The following UTRN variants were observed in gnomAD, a reference collection of about 807,000 sequenced individuals.
The protein encoded by UTRN is utrophin.
Under a neutral mutation model 463.9 loss-of-function variants are expected in UTRN, and 283 were observed. The observed-to-expected ratio is 0.61, with a 90% CI of 0.55 to 0.67. The LOEUF (loss-of-function observed/expected upper bound fraction) is 0.67, where lower values mean the gene tolerates loss of function less well. Among genes scored for constraint, UTRN ranks in the 30% least tolerant of loss-of-function variants. The pLI, the probability that UTRN is intolerant of heterozygous loss-of-function variation, is 0.00. For synonymous variants in UTRN, 1,442 were observed against 1,431.5 expected, an observed-to-expected ratio of 1.01 and a Z score of -0.17; for missense variants, 3,922 against 4,084.3, an observed-to-expected ratio of 0.96 and a Z score of 1.08.
chr6:144,828,666 G>C, intron 68 of UTRN, 124 bp from the exon 69 acceptor site: 1 of 931,808 alleles, frequency 1.1e-6, no homozygotes, highest in Non-Finnish European at 1.7e-6. Flanking sequence ...AGTCGTGTTA[G>C]GAGATTTGGA....
At chr6:144,774,702 G>A (rs1370675637) in intron 60 of UTRN, among the ~76,000 whole-genome samples, 1 of 152,124 alleles carries the variant, frequency 6.6e-6, no homozygotes, top group Admixed American at 6.5e-5. Context: ...TTGCCCATTT[G>A]GCAATGTAGA....
At chr6:144,427,762 ATTAATTAATTGATTCAACAAATACG>A (rs1785422005) in intron 7 of UTRN, among the ~76,000 whole-genome samples, 1 of 152,230 alleles carries the variant, frequency 6.6e-6, no homozygotes, top group Admixed American at 6.5e-5. Flanking sequence ...CATTCCATTT[ATTAATTAATTGATTCAACAAATACG>A]TGTGGGGTGC....
At chr6:144,850,783 A>ACTT (rs1179240193) in intron 74 of UTRN, among the ~76,000 whole-genome samples, 5 of 152,216 alleles carry the variant, frequency 3.3e-5, no homozygotes, top group Non-Finnish European at 5.9e-5. Context: ...AGACTTTCAG[A>ACTT]CTTCCCTCTA....
In UTRN at chr6:144,444,367, A is replaced by T; in HGVS notation, c.1599A>T (p.Glu533Asp). 1 of 1,608,942 alleles carries T rather than the reference A, an allele frequency of 6.2e-7. No individual in the cohort carries two copies. Among genetic ancestry groups the T allele is most frequent in the Non-Finnish European group, 8.5e-7 (1 of 1,176,988 alleles). Residue 533 changes from glutamate (E) to aspartate (D), a missense_variant, in exon 14 of 75, where the codon GAA (glutamate) becomes GAT (aspartate). Physicochemically the swap from Glu to Asp is conservative, Grantham distance 45. Around this residue, in one of 3 missense-constraint regions of UTRN, gnomAD observed 2,349 missense variants for 2,303.8 expected, o/e 1.02. Transcript: ENST00000367545. ...AAGAAATCAATATATTGTGGCAGGA[A>T]TTATTGGAAGAACAGGTATGAAACT... ...RLQEINILWQ[E>D]LLEEQCLLKA...
At chr6:144,307,645 C>G (rs1805862558) in intron 2 of UTRN, among the ~76,000 whole-genome samples, 1 of 152,092 alleles carries the variant, frequency 6.6e-6, no homozygotes, top group Non-Finnish European at 1.5e-5. Context: ...AAACAAAAGA[C>G]CTGATTGCTA....
At chr6:144,493,147 C>T (rs1414468513) in intron 32 of UTRN, among the ~76,000 whole-genome samples, 154 bp from the exon 33 acceptor site, 1 of 152,202 alleles carries the variant, frequency 6.6e-6, no homozygotes, top group African/African-American at 2.4e-5. Context: ...TCATTTGACT[C>T]GACCTTCAGA....
intron 3 of UTRN, among the ~76,000 whole-genome samples, chr6:144,413,779 A>G (rs1449763090): frequency 6.6e-6 from 1 of 152,128 alleles, no homozygotes; most frequent in Non-Finnish European, 1.5e-5. Flanking sequence ...TGGCTTATGT[A>G]TTTATTATAA....
chr6:144,691,009 T>A (rs1450033622), intron 52 of UTRN, among the ~76,000 whole-genome samples: 1 of 152,202 alleles, frequency 6.6e-6, no homozygotes. Context: ...TACACACTAT[T>A]TCGTCTTTCC....
At position 144,840,831 on chromosome 6, in the gene UTRN, C is replaced by T. The variant is rs931017584; in HGVS notation, c.10269C>T (p.Cys3423=). The T allele has an allele frequency of 2.5e-6, 4 of 1,613,780 alleles. No individual in the cohort carries two copies. Among genetic ancestry groups the T allele is most frequent in the Admixed American group, 1.7e-5 (1 of 60,008 alleles). The stretch of plus-strand genomic sequence containing the variant: ...TTCACAGCACGTTTCCATCTTGCTG[C>T]CGTGAGTATGAAAGATTGCAGCACC... ...EQIHSTFPSC[C]PNVPSRPQAM is the part of the protein sequence containing the mutation. Residue 3423 remains cysteine (C), a splice_region_variant and synonymous_variant, in exon 73 of 75, where the codon TGC becomes TGT. Transcript: ENST00000367545.
chr6:144,629,500 G>A (rs1282315519), intron 51 of UTRN, among the ~76,000 whole-genome samples: 3 of 152,236 alleles, frequency 2.0e-5, no homozygotes, highest in Non-Finnish European at 4.4e-5. Flanking sequence ...CTTAGAAGCT[G>A]TCTGTGCCTC....
chr6:144,808,066 C>T (rs2128748989), intron 65 of UTRN, among the ~76,000 whole-genome samples: 1 of 152,286 alleles, frequency 6.6e-6, no homozygotes, highest in Admixed American at 6.5e-5. Context: ...CACACACACA[C>T]ACGCAGTTAG....
intron 2 of UTRN, among the ~76,000 whole-genome samples, chr6:144,325,699 G>T (rs900383552): frequency 9.2e-5 from 14 of 152,114 alleles, no homozygotes; most frequent in African/African-American, 3.1e-4. Context: ...GCATTGTTGA[G>T]CCTCATTTTG....
At position 144,444,334 on chromosome 6, in the gene UTRN, T is replaced by C. The variant is rs141209224; in HGVS notation, c.1566T>C (p.Asn522=). ...GCCGTTGGACTGAAGAACGCTGGAA[T>C]AGGTTACAAGAAATCAATATATTGT... is the stretch of plus-strand genomic sequence containing the variant. The part of the protein sequence containing the change: ...AVCRWTEERW[N]RLQEINILWQ... The change falls in exon 14 of 75, where the codon AAT becomes AAC. Residue 522 remains asparagine (N), a synonymous_variant. Transcript: ENST00000367545. The C allele has an allele frequency of 2.5e-6, 4 of 1,611,472 alleles. No individual in the cohort carries two copies. Among genetic ancestry groups the C allele is most frequent in the Non-Finnish European group, 3.4e-6 (4 of 1,178,500 alleles).
chr6:144,437,466 C>A, intron 10 of UTRN, 99 bp from the exon 11 acceptor site: 2 of 1,212,914 alleles, frequency 1.6e-6, no homozygotes, highest in Non-Finnish European at 2.2e-6. Flanking sequence ...CCTTTTTCTG[C>A]ATCACTGACA....
intron 2 of UTRN, among the ~76,000 whole-genome samples, chr6:144,320,000 C>T (rs755244380): frequency 3.3e-5 from 5 of 152,134 alleles, no homozygotes; most frequent in East Asian, 1.9e-4. Context: ...ATTACAGGCA[C>T]GTGCCACCAC....
In UTRN at chr6:144,782,041, C is replaced by T. The variant is rs748989768; in HGVS notation, c.8752C>T (p.Leu2918Phe). ...CTGTCTGACAACAACTTATGATGGA[C>T]TTGAGCAAATGCATAAGGACCTGGT... ...INCLTTTYDGLEQMHKDLVNV... is the reference protein window; with the variant it reads ...INCLTTTYDGFEQMHKDLVNV... Residue 2918 changes from leucine to phenylalanine, a missense_variant, in exon 61 of 75, where the codon CTT (leucine) becomes TTT (phenylalanine). By Grantham distance (22) the Leu-to-Phe change is conservative. This residue lies in a region of UTRN where 1,309 missense variants were observed against 1,452.6 expected (regional missense o/e 0.90). Transcript: ENST00000367545. 6.2e-7 allele frequency: 1 copy of T among 1,614,032 alleles called. No homozygotes were observed.
At chr6:144,564,484 G>A (rs1001664739) in intron 50 of UTRN, among the ~76,000 whole-genome samples, 1 of 152,126 alleles carries the variant, frequency 6.6e-6, no homozygotes, top group African/African-American at 2.4e-5. Context: ...GTAAGACATG[G>A]GGTATTAGTC....
At chr6:144,821,071 T>G (rs1779557722) in intron 66 of UTRN, 53 bp downstream of exon 66, 1 of 1,573,872 alleles carries the variant, frequency 6.4e-7, no homozygotes, top group Admixed American at 1.9e-5. Context: ...TCTGATGTTG[T>G]CTTTTTTATG....
intron 50 of UTRN, among the ~76,000 whole-genome samples, chr6:144,558,480 T>G (rs1400879819): frequency 6.6e-6 from 1 of 152,086 alleles, no homozygotes; most frequent in African/African-American, 2.4e-5. Context: ...AGAAGGTGAA[T>G]TAAAAACAGC....
Sources: gnomAD v4.1 joint callset for allele counts (sites outside exome capture counted in the v4.1 genomes callset) on GRCh38, gnomAD v4.1.1 for gene constraint, gnomAD v4.1.1 regional missense constraint, MANE v1.5 for transcripts, NCBI Gene and HGNC (gene_info 2026-07-23, HGNC 2026-07-21) for gene names.